ROBO1: variants seen among roughly 807,000 people sequenced by gnomAD.
ROBO1 encodes the protein roundabout homolog 1.
ROBO1 carries 149 observed loss-of-function variants against 195.9 expected under a neutral mutation model. That is an observed-to-expected ratio of 0.76 (90% CI 0.67 to 0.87). ROBO1 has a LOEUF of 0.87. Ranked by LOEUF, ROBO1 falls within the 40% of genes least tolerant of loss-of-function variation. The pLI, the probability that ROBO1 is intolerant of heterozygous loss-of-function variation, is 0.00. For synonymous variants in ROBO1, 816 were observed against 733.2 expected, an observed-to-expected ratio of 1.11 and a Z score of -1.82; for missense variants, 1,933 against 2,068.3, an observed-to-expected ratio of 0.93 and a Z score of 1.27.
At chr3:79,708,609 T>C (rs549058544) in intron 1 of ROBO1, among the ~76,000 whole-genome samples, 4 of 152,158 alleles carry the variant, frequency 2.6e-5, no homozygotes, top group Non-Finnish European at 5.9e-5. Context: ...CACACTGTAA[T>C]TGCAGCACTT....
At chr3:78,720,337 G>A (rs1438958466) in intron 5 of ROBO1, among the ~76,000 whole-genome samples, 5 of 152,172 alleles carry the variant, frequency 3.3e-5, no homozygotes. Context: ...ACAGACACAT[G>A]AAAAAATGCT....
chr3:78,863,393 A>G (rs548141619), intron 4 of ROBO1, among the ~76,000 whole-genome samples: 83 of 152,266 alleles, frequency 5.5e-4, no homozygotes, highest in Middle Eastern at 6.8e-3. Context: ...GATTTTTACA[A>G]CTAAGTGCAG....
chr3:78,924,227 T>C (rs1189171896), intron 4 of ROBO1, among the ~76,000 whole-genome samples: 2 of 152,096 alleles, frequency 1.3e-5, no homozygotes, highest in African/African-American at 2.4e-5. Context: ...GACAGTTACA[T>C]CTAAACTTGA....
intron 4 of ROBO1, among the ~76,000 whole-genome samples, chr3:78,853,457 T>TGG (rs2034201837): frequency 1.4e-5 from 1 of 70,978 alleles, no homozygotes; most frequent in African/African-American, 5.5e-5. Context: ...AGTATGTATG[T>TGG]GTGGGGTGTG....
At chr3:79,377,513 A>G (rs1355081586) in intron 2 of ROBO1, among the ~76,000 whole-genome samples, 1 of 152,216 alleles carries the variant, frequency 6.6e-6, no homozygotes, top group Admixed American at 6.5e-5. Flanking sequence ...AGAACCACTT[A>G]CCATTAATAG....
intron 4 of ROBO1, among the ~76,000 whole-genome samples, chr3:78,846,560 A>C (rs1346383323): frequency 6.6e-6 from 1 of 152,108 alleles, no homozygotes; most frequent in African/African-American, 2.4e-5. Context: ...CCTATTGAAA[A>C]TATCACTTTA....
intron 2 of ROBO1, among the ~76,000 whole-genome samples, chr3:79,184,974 T>C (rs1210207752): frequency 6.6e-6 from 1 of 152,140 alleles, no homozygotes; most frequent in Non-Finnish European, 1.5e-5. Flanking sequence ...AGCCAGACTC[T>C]TCCATGTCCA....
chr3:79,090,603 T>C (rs562372380), intron 3 of ROBO1, among the ~76,000 whole-genome samples: 2 of 152,292 alleles, frequency 1.3e-5, no homozygotes, highest in East Asian at 3.9e-4. Flanking sequence ...GATGCAGATA[T>C]ACTTCAGTTC....
At chr3:79,265,208 T>C (rs1289098912) in intron 2 of ROBO1, among the ~76,000 whole-genome samples, 1 of 151,914 alleles carries the variant, frequency 6.6e-6, no homozygotes, top group African/African-American at 2.4e-5. Context: ...TAATTGTTTC[T>C]GTTAACTTTC....
At chr3:79,721,477 CT>C (rs1702701454) in intron 1 of ROBO1, among the ~76,000 whole-genome samples, 1 of 152,120 alleles carries the variant, frequency 6.6e-6, no homozygotes, top group Non-Finnish European at 1.5e-5. Flanking sequence ...TAGGAGGAAA[CT>C]GTCAAACTTT....
intron 3 of ROBO1, among the ~76,000 whole-genome samples, chr3:79,041,707 A>C (rs1381415686): frequency 1.3e-5 from 2 of 152,138 alleles, no homozygotes; most frequent in African/African-American, 4.8e-5. Flanking sequence ...GTTATCCCAC[A>C]CAGATAGCCC....
At chr3:79,756,894 G>C (rs2107502483) in intron 1 of ROBO1, among the ~76,000 whole-genome samples, 1 of 152,124 alleles carries the variant, frequency 6.6e-6, no homozygotes, top group East Asian at 1.9e-4. Flanking sequence ...CCTCATATAA[G>C]TGGAACCACA....
At chr3:79,396,670 G>C (rs1001379696) in intron 2 of ROBO1, among the ~76,000 whole-genome samples, 2 of 151,960 alleles carry the variant, frequency 1.3e-5, no homozygotes, top group Non-Finnish European at 2.9e-5. Context: ...ACACAGCCTG[G>C]CATATTTTAG....
intron 1 of ROBO1, among the ~76,000 whole-genome samples, chr3:79,686,460 A>C (rs1163538297): frequency 6.6e-6 from 1 of 152,210 alleles, no homozygotes; most frequent in Non-Finnish European, 1.5e-5. Context: ...ATGATTGTAT[A>C]TCTAGAAAAC....
At chr3:79,191,812 T>C (rs1237930879) in intron 2 of ROBO1, among the ~76,000 whole-genome samples, 2 of 151,484 alleles carry the variant, frequency 1.3e-5, no homozygotes, top group African/African-American at 4.8e-5. Flanking sequence ...CAATAAAATG[T>C]TTATATTCTC....
At chr3:79,700,330 TG>T in intron 1 of ROBO1, among the ~76,000 whole-genome samples, 1 of 148,288 alleles carries the variant, frequency 6.7e-6, no homozygotes, top group Non-Finnish European at 1.5e-5. Flanking sequence ...TGTGTGTGTG[TG>T]TGTGTGTGTG....
At chr3:79,541,953 T>G (rs552326236) in intron 2 of ROBO1, among the ~76,000 whole-genome samples, 1 of 151,584 alleles carries the variant, frequency 6.6e-6, no homozygotes, top group East Asian at 1.9e-4. Context: ...ATAGTGTATA[T>G]AATTTAACCA....
intron 2 of ROBO1, among the ~76,000 whole-genome samples, chr3:79,225,638 G>C (rs889969844): frequency 6.6e-6 from 1 of 152,056 alleles, no homozygotes; most frequent in Admixed American, 6.6e-5. Flanking sequence ...TCAGGGGCTG[G>C]CTAATGGGTT....
intron 1 of ROBO1, among the ~76,000 whole-genome samples, chr3:79,740,236 A>AATTT (rs368470361): frequency 7.0e-6 from 1 of 143,644 alleles, no homozygotes; most frequent in Admixed American, 7.0e-5. Flanking sequence ...TTTATATATA[A>AATTT]ATATATATAT....
Sources: gnomAD v4.1 joint callset for allele counts (sites outside exome capture counted in the v4.1 genomes callset) on GRCh38, gnomAD v4.1.1 for gene constraint, MANE v1.5 for transcripts, NCBI Gene and HGNC (gene_info 2026-07-23, HGNC 2026-07-21) for gene names.